Variants in NUP210L observed in about 807,000 individuals in gnomAD.
NUP210L encodes the protein nucleoporin 210 like, also known as nuclear pore membrane glycoprotein 210-like.
Under a neutral mutation model 208.5 loss-of-function variants are expected in NUP210L, and 74 were observed. The ratio of observed to expected loss-of-function variants is 0.35; its 90% confidence interval spans 0.29 to 0.43. NUP210L has a LOEUF of 0.43. NUP210L is among the 20% of genes least tolerant of loss of function. The pLI, the probability that NUP210L is intolerant of heterozygous loss-of-function variation, is 1.00. For missense variants in NUP210L, 1,843 were observed against 2,289.4 expected (o/e 0.81, Z 3.98); for synonymous variants, 780 against 816.9 (o/e 0.95, Z 0.77).
intron 7 of NUP210L, among the ~76,000 whole-genome samples, chr1:154,133,712 G>A (rs573400190): frequency 3.3e-5 from 5 of 151,488 alleles, no homozygotes; most frequent in Admixed American, 6.6e-5. Context: ...GTGGTGGCAC[G>A]TGCCTGTGGT....
Position 154,007,034 on chromosome 1 carries a change from G to A in NUP210L, c.4930+2938C>T, listed in dbSNP as rs1425435263. On this transcript the variant is annotated intron_variant, in intron 35 of 39. Coordinates refer to ENST00000368559, the Ensembl canonical transcript of NUP210L. ...GCTGGAGTGCAATGGCATGATCTTG[G>A]CTCACTATAACCTCCTCCTTCTATT... 7.9e-5 allele frequency among the ~76,000 whole-genome samples: 11 copies of A among 138,978 alleles called. No homozygotes were observed. The Admixed American group carries it at 8.6e-4, about 11-fold the overall frequency. The allele number at this position is 138,978 out of a possible 152,430, so 91.2% of individuals were successfully genotyped here. A position where few individuals can be genotyped will look rare whatever the true frequency, so the allele number is the denominator to read the frequency against.
intron 10 of NUP210L, among the ~76,000 whole-genome samples, chr1:154,124,168 C>G (rs1029805323): frequency 8.1e-6 from 1 of 123,492 alleles, no homozygotes; most frequent in African/African-American, 3.2e-5. Context: ...GCCTGGGCAA[C>G]AGAGTGAGAC....
chr1:154,118,343 T>C (rs1657437259), intron 11 of NUP210L, among the ~76,000 whole-genome samples: 1 of 151,922 alleles, frequency 6.6e-6, no homozygotes. Context: ...GAAAAGAAAC[T>C]GTGACACTAT....
At position 154,138,257 on chromosome 1, in the gene NUP210L, G is replaced by GA. The variant is rs11318139; in HGVS notation, c.718-20dup. The GA allele has an allele frequency of 0.033, 41,489 of 1,245,094 alleles. 27 individuals are homozygous for GA. Among genetic ancestry groups the GA allele is most frequent in the Non-Finnish European group, 0.037 (34,626 of 936,146 alleles). 77.1% of individuals were successfully genotyped at this position (1,245,094 alleles called of 1,614,324 possible). ...CCACTTTCTAAAAGAGGGAGGGAAG[G>GA]AAAAAAAAAAACAGTTTCCATGGAC... On this transcript the variant is annotated intron_variant, in intron 5 of 39. Coordinates refer to ENST00000368559, the Ensembl canonical transcript of NUP210L.
chr1:153,995,693 G>A (rs1156247765), intron 37 of NUP210L: 11 of 1,163,600 alleles, frequency 9.5e-6, no homozygotes, highest in Non-Finnish European at 1.4e-5. Context: ...AACAAAACTA[G>A]GCTGTCCCAA....
rs148148067 is a variant in NUP210L, at chr1:154,104,220, A to G, written c.1621-10T>C. On this transcript the variant is annotated splice_polypyrimidine_tract_variant and intron_variant, in intron 12 of 39. Transcript: ENST00000368559. The stretch of plus-strand genomic sequence containing the variant: ...GTTTCAGGACATGTATCTGGAGGGG[A>G]AAAATTCATCTTTCAAGAAAGTTAT... The G allele has an allele frequency of 1.9e-6, 3 of 1,609,678 alleles. No individual in the cohort carries two copies. Among genetic ancestry groups the G allele is most frequent in the East Asian group, 2.2e-5 (1 of 44,808 alleles).
chr1:153,997,604 C>T (rs1292845501), intron 37 of NUP210L, among the ~76,000 whole-genome samples: 1 of 151,340 alleles, frequency 6.6e-6, no homozygotes, highest in Non-Finnish European at 1.5e-5. Context: ...GTAGCTAGGA[C>T]TGCAGGCCAT....
chr1:154,028,868 G>A lies in NUP210L; in HGVS notation c.3855+1028C>T, dbSNP rs1652055443. Among the ~76,000 whole-genome samples the A allele has an allele frequency of 2.0e-5, 3 of 152,016 alleles. No individual in the cohort carries two copies. The South Asian group carries it at 6.2e-4, about 32-fold the overall frequency. ...CTAGCACTTTGGGAGGCCAAGGCGGGTGGATCACTTGAGGTTAGGAGTTTG... is the reference window on the plus strand; with the variant it reads ...CTAGCACTTTGGGAGGCCAAGGCGGATGGATCACTTGAGGTTAGGAGTTTG... On this transcript the variant is annotated intron_variant, in intron 28 of 39. Transcript: ENST00000368559.
chr1:154,051,627 A>G (rs538956495), intron 25 of NUP210L, among the ~76,000 whole-genome samples: 1 of 152,364 alleles, frequency 6.6e-6, no homozygotes, highest in Admixed American at 6.5e-5. Flanking sequence ...GCCAGATGGT[A>G]CATTTCTCAT....
At chr1:154,042,843 C>T (rs1261866790) in intron 27 of NUP210L, among the ~76,000 whole-genome samples, 2 of 151,854 alleles carry the variant, frequency 1.3e-5, no homozygotes, top group African/African-American at 4.8e-5. Context: ...TCCTGAGTAG[C>T]TGGGATTACA....
At position 154,154,278 on chromosome 1, in the gene NUP210L, T is replaced by C. The variant is rs553921656; in HGVS notation, c.203+564A>G. Among the ~76,000 whole-genome samples, 3 of 152,330 alleles carry C rather than the reference T, an allele frequency of 2.0e-5. No homozygotes were observed. The South Asian group carries it at 6.2e-4, about 32-fold the overall frequency. The stretch of plus-strand genomic sequence containing the variant: ...GTCTGTGAAATGGGAGTAATAGTAC[T>C]TACTTCATAAGACTGCAAAAAGCGA... On this transcript the variant is annotated intron_variant, in intron 1 of 39. Transcript: ENST00000368559.
At chr1:154,118,929 C>A (rs1002777817) in intron 10 of NUP210L, 121 bp from the exon 11 acceptor site, 10 of 491,042 alleles carry the variant, frequency 2.0e-5, no homozygotes, top group African/African-American at 3.9e-5. Context: ...CAGTTTCTAT[C>A]TATAAAAGAA....
At position 154,026,954 on chromosome 1, in the gene NUP210L, G is replaced by A. The variant is rs554635575; in HGVS notation, c.3947+552C>T. On this transcript the variant is annotated intron_variant, in intron 29 of 39. Coordinates refer to ENST00000368559, the Ensembl canonical transcript of NUP210L. ...AAAAATTAGCCAGGTGTGGTGGCAG[G>A]CACCTGTAATCCCAGCTACTCAGGA... Among the ~76,000 whole-genome samples, 10 of 151,612 alleles carry A rather than the reference G, an allele frequency of 6.6e-5. No homozygotes were observed. In the South Asian group the frequency reaches 1.9e-3, roughly 28 times the overall value.
intron 35 of NUP210L, among the ~76,000 whole-genome samples, chr1:154,004,513 G>A (rs1227265747): frequency 1.3e-5 from 2 of 151,844 alleles, no homozygotes; most frequent in Non-Finnish European, 2.9e-5. Context: ...GATTACAGGT[G>A]CCCTACTAAT....
intron 15 of NUP210L, among the ~76,000 whole-genome samples, chr1:154,090,693 C>G (rs1055008085): frequency 3.3e-5 from 5 of 152,046 alleles, no homozygotes; most frequent in African/African-American, 4.8e-5. Flanking sequence ...CGCCTGTAGT[C>G]CCAGCTACTT....
Position 154,058,639 on chromosome 1 carries a change from CCAAA to C in NUP210L, c.2901_2904del (p.Cys967TrpfsTer23). 6.2e-7 allele frequency: 1 copy of C among 1,613,744 alleles called. No homozygotes were observed. The highest frequency in any genetic ancestry group is 8.5e-7 in the Non-Finnish European group (1 of 1,179,792). ...TGGGCTGTTGCTGGACCCAAGAAAG[CCAAA>C]CAAAGATCATAGACCTCCAAGGTAA... On this transcript the variant is annotated frameshift_variant, in exon 21 of 40. Coordinates refer to ENST00000368559, the Ensembl canonical transcript of NUP210L. LOFTEE classifies it high-confidence loss of function.
At chr1:154,112,929 G>A (rs1429519316) in intron 12 of NUP210L, among the ~76,000 whole-genome samples, 1 of 151,406 alleles carries the variant, frequency 6.6e-6, no homozygotes, top group South Asian at 2.1e-4. Flanking sequence ...GGACAAAGCA[G>A]GTGGATCACC....
chr1:154,045,072 G>C (rs751480288), intron 27 of NUP210L, among the ~76,000 whole-genome samples: 7 of 152,078 alleles, frequency 4.6e-5, no homozygotes, highest in African/African-American at 7.2e-5. Flanking sequence ...AGATACCAAA[G>C]GGAACCATGG....
At chr1:154,007,525 G>T (rs1650633673) in intron 35 of NUP210L, among the ~76,000 whole-genome samples, 1 of 151,856 alleles carries the variant, frequency 6.6e-6, no homozygotes, top group Non-Finnish European at 1.5e-5. Flanking sequence ...GCTTCCCAAA[G>T]TGCTGGGATT....
Sources: allele counts gnomAD v4.1 joint callset (sites outside exome capture counted in the v4.1 genomes callset), GRCh38; gene constraint gnomAD v4.1.1; transcripts MANE v1.5; gene names NCBI Gene and HGNC (gene_info 2026-07-23, HGNC 2026-07-21).